DACH1: variants seen among roughly 807,000 people sequenced by gnomAD.
DACH1 encodes dachshund family transcription factor 1, also known as dachshund homolog 1.
DACH1 carries 12 observed loss-of-function variants against 54.2 expected under a neutral mutation model. That is an observed-to-expected ratio of 0.22 (90% CI 0.14 to 0.36). The LOEUF is 0.36. Ranked by LOEUF, DACH1 falls within the 10% of genes least tolerant of loss-of-function variation. The pLI is 1.00. For missense variants in DACH1, 805 were observed against 929.8 expected, an observed-to-expected ratio of 0.87 and a Z score of 1.75; for synonymous variants, 386 against 366.2, an observed-to-expected ratio of 1.05 and a Z score of -0.62.
chr13:71,844,540 T>C (rs1873095523), intron 1 of DACH1, among the ~76,000 whole-genome samples: 2 of 152,218 alleles, frequency 1.3e-5, no homozygotes, highest in Admixed American at 1.3e-4. Flanking sequence ...AATAATACTT[T>C]TTTTGTTTTT....
chr13:71,654,358 C>G (rs1878899003), intron 2 of DACH1, among the ~76,000 whole-genome samples: 1 of 146,932 alleles, frequency 6.8e-6, no homozygotes, highest in Non-Finnish European at 1.5e-5. Context: ...CCACCACACT[C>G]CAGCCTGGGC....
chr13:71,675,682 T>C (rs1455231147), intron 2 of DACH1, among the ~76,000 whole-genome samples: 4 of 152,174 alleles, frequency 2.6e-5, no homozygotes, highest in Admixed American at 6.5e-5. Context: ...ATTTTTAATA[T>C]AAATGTGGAG....
At chr13:71,798,796 G>C (rs1339139371) in intron 1 of DACH1, among the ~76,000 whole-genome samples, 4 of 151,890 alleles carry the variant, frequency 2.6e-5, no homozygotes, top group Non-Finnish European at 1.5e-5. Flanking sequence ...CCCAGGCCCT[G>C]AATCATATGA....
intron 1 of DACH1, among the ~76,000 whole-genome samples, chr13:71,760,916 T>C (rs1222414779): frequency 5.3e-5 from 8 of 152,158 alleles, no homozygotes; most frequent in African/African-American, 1.9e-4. Context: ...TGATATGGCA[T>C]TTTGAATTCA....
intron 10 of DACH1, among the ~76,000 whole-genome samples, chr13:71,452,945 G>C (rs1454365364): frequency 6.6e-6 from 1 of 152,146 alleles, no homozygotes; most frequent in Non-Finnish European, 1.5e-5. Flanking sequence ...AAAAAGCAGA[G>C]CACATGCCCT....
chr13:71,538,507 AGAACACAGGCAAGGGAATGT>A (rs1406281012), intron 6 of DACH1, among the ~76,000 whole-genome samples: 1 of 152,128 alleles, frequency 6.6e-6, no homozygotes, highest in Non-Finnish European at 1.5e-5. Context: ...AGGAATATGC[AGAACACAGGCAAGGGAATGT>A]GAACTTCGAA....
At chr13:71,472,014 A>C (rs979861163) in intron 10 of DACH1, among the ~76,000 whole-genome samples, 7 of 152,172 alleles carry the variant, frequency 4.6e-5, no homozygotes, top group African/African-American at 1.7e-4. Context: ...AAAAGATCTT[A>C]GAGAAATTCT....
At chr13:71,474,873 T>C (rs1395469733) in intron 10 of DACH1, among the ~76,000 whole-genome samples, 1 of 152,226 alleles carries the variant, frequency 6.6e-6, no homozygotes, top group Non-Finnish European at 1.5e-5. Context: ...TAAAGCACAT[T>C]TACTGTGTCC....
At chr13:71,802,794 A>G (rs1272189491) in intron 1 of DACH1, among the ~76,000 whole-genome samples, 2 of 152,118 alleles carry the variant, frequency 1.3e-5, no homozygotes, top group Non-Finnish European at 2.9e-5. Flanking sequence ...AAACGACTGT[A>G]GTGATTATAG....
chr13:71,634,214 C>T (rs1877309843), intron 2 of DACH1, among the ~76,000 whole-genome samples: 1 of 152,032 alleles, frequency 6.6e-6, no homozygotes. Context: ...CTCAAGTGAT[C>T]CACCTGCCTT....
At chr13:71,463,375 C>A (rs949991008) in intron 10 of DACH1, among the ~76,000 whole-genome samples, 16 of 151,864 alleles carry the variant, frequency 1.1e-4, no homozygotes, top group Admixed American at 3.9e-4. Flanking sequence ...AACTTAAAGT[C>A]AATTTAATTG....
At chr13:71,548,203 T>TA (rs1466962199) in intron 6 of DACH1, among the ~76,000 whole-genome samples, 1 of 152,166 alleles carries the variant, frequency 6.6e-6, no homozygotes, top group Non-Finnish European at 1.5e-5. Context: ...AGCCATAAGA[T>TA]AAAAAACTTT....
intron 2 of DACH1, among the ~76,000 whole-genome samples, chr13:71,678,993 A>T (rs566356083): frequency 6.6e-6 from 1 of 152,148 alleles, no homozygotes; most frequent in African/African-American, 2.4e-5. Context: ...TATGCTCCTA[A>T]TGAGCCTCCA....
chr13:71,550,186 T>A (rs754365442), intron 6 of DACH1, among the ~76,000 whole-genome samples: 1 of 152,206 alleles, frequency 6.6e-6, no homozygotes, highest in Non-Finnish European at 1.5e-5. Context: ...CCAATTTATA[T>A]AATCAAACCA....
intron 1 of DACH1, among the ~76,000 whole-genome samples, chr13:71,683,858 T>C (rs573493900): frequency 9.5e-4 from 144 of 152,188 alleles, no homozygotes; most frequent in African/African-American, 3.4e-3. Context: ...CTCCTGGGAT[T>C]CAGACAGATG....
intron 6 of DACH1, among the ~76,000 whole-genome samples, chr13:71,502,223 G>C (rs139616973): frequency 6.6e-6 from 1 of 151,992 alleles, no homozygotes. Context: ...ACATCAACCA[G>C]CCTAGATTCC....
intron 4 of DACH1, among the ~76,000 whole-genome samples, chr13:71,570,657 TA>T (rs929454886): frequency 7.9e-5 from 12 of 152,290 alleles, no homozygotes; most frequent in Non-Finnish European, 1.5e-4. Context: ...GCACATATCT[TA>T]AAACATAAAA....
intron 1 of DACH1, among the ~76,000 whole-genome samples, chr13:71,757,016 T>C (rs1202698920): frequency 1.3e-5 from 2 of 152,170 alleles, no homozygotes; most frequent in African/African-American, 2.4e-5. Context: ...TTTTGTTAAG[T>C]ACAATTCAAT....
chr13:71,801,640 A>T (rs1000520552), intron 1 of DACH1, among the ~76,000 whole-genome samples: 1 of 152,148 alleles, frequency 6.6e-6, no homozygotes. Context: ...TCTTATTTAG[A>T]TATGAAATAC....
Sources: gnomAD v4.1 joint callset for allele counts (sites outside exome capture counted in the v4.1 genomes callset) on GRCh38, gnomAD v4.1.1 for gene constraint, MANE v1.5 for transcripts, NCBI Gene and HGNC (gene_info 2026-07-23, HGNC 2026-07-21) for gene names.